POU3F3: variants seen among roughly 807,000 people sequenced by gnomAD.
POU3F3 encodes the protein POU domain, class 3, transcription factor 3.
In POU3F3, 1 loss-of-function variant was observed where a neutral mutation model predicts 8.6. The observed-to-expected ratio is 0.12, with a 90% CI of 0.04 to 0.55. POU3F3 has a LOEUF of 0.55. Among genes scored for constraint, POU3F3 ranks in the 20% least tolerant of loss-of-function variants. POU3F3 has a pLI of 0.91. For missense variants in POU3F3, 577 were observed against 690.7 expected, an observed-to-expected ratio of 0.84 and a Z score of 1.84; for synonymous variants, 418 against 327.4, an observed-to-expected ratio of 1.28 and a Z score of -2.99.
the POU3F3 span, chr2:104,872,103 C>A: frequency 1.2e-5 from 5 of 400,256 alleles, no homozygotes; most frequent in Non-Finnish European, 2.5e-5. This position sits in a 1 kb window ranked among gnomAD's most constrained non-coding sequence, Gnocchi z 4.6. Flanking sequence ...CTTCCTTGCT[C>A]GGGAAACTTG....
chr2:104,911,414 C>CAAAAA, the POU3F3 span, among the ~76,000 whole-genome samples: 1 of 60,972 alleles, frequency 1.6e-5, no homozygotes, highest in Non-Finnish European at 3.5e-5. Context: ...GACTCCGTCT[C>CAAAAA]AAAAAAAAAA....
chr2:104,897,504 C>A, the POU3F3 span, among the ~76,000 whole-genome samples: 1 of 152,178 alleles, frequency 6.6e-6, no homozygotes, highest in Non-Finnish European at 1.5e-5. Flanking sequence ...CCCCTACAGC[C>A]CACTCAGCCA....
At chr2:104,891,899 C>T in the POU3F3 span, among the ~76,000 whole-genome samples, 1 of 152,138 alleles carries the variant, frequency 6.6e-6, no homozygotes, top group African/African-American at 2.4e-5. Context: ...TGAGTTTTTG[C>T]TTTTTGGTTG....
In POU3F3 at chr2:104,856,677, A is replaced by G; in HGVS notation, c.1167A>G (p.Ser389=). 5 of 1,614,106 alleles carry G rather than the reference A, an allele frequency of 3.1e-6. No homozygotes were observed. Among genetic ancestry groups the G allele is most frequent in the South Asian group, 1.1e-5 (1 of 91,074 alleles). The part of the protein sequence containing the change: ...LLNKWLEEAD[S]STGSPTSIDK... Reference sequence around the variant, plus strand: ...ACAAGTGGCTGGAGGAGGCGGACTCAAGCACCGGCAGCCCCACAAGCATCG... The same window carrying G: ...ACAAGTGGCTGGAGGAGGCGGACTCGAGCACCGGCAGCCCCACAAGCATCG... The change falls in exon 1 of 1, where the codon TCA becomes TCG. Residue 389 remains serine, a synonymous_variant. Transcript: ENST00000361360.
chr2:104,864,587 C>T, the POU3F3 span, among the ~76,000 whole-genome samples: 4 of 152,006 alleles, frequency 2.6e-5, no homozygotes, highest in South Asian at 4.1e-4. Flanking sequence ...CATTTATTTA[C>T]AAATACAAAT....
At chr2:104,883,762 G>T in the POU3F3 span, among the ~76,000 whole-genome samples, 1 of 152,172 alleles carries the variant, frequency 6.6e-6, no homozygotes, top group Non-Finnish European at 1.5e-5. Context: ...ATATCATTAT[G>T]GTTCTGAATG....
At chr2:104,890,899 C>T in the POU3F3 span, among the ~76,000 whole-genome samples, 193 of 152,276 alleles carry the variant, frequency 1.3e-3, no homozygotes, top group Admixed American at 3.1e-3. Flanking sequence ...GGGATGACTA[C>T]GGGAACCCTA....
chr2:104,925,508 G>GA, the POU3F3 span, among the ~76,000 whole-genome samples: 3 of 152,128 alleles, frequency 2.0e-5, no homozygotes, highest in African/African-American at 7.2e-5. Flanking sequence ...TGGGGAGGAG[G>GA]CCACTGGACC....
At chr2:104,913,067 C>A in the POU3F3 span, among the ~76,000 whole-genome samples, 2 of 152,102 alleles carry the variant, frequency 1.3e-5, no homozygotes, top group Non-Finnish European at 2.9e-5. Flanking sequence ...TGAATGGCCA[C>A]GGGATTGCAA....
At chr2:104,896,254 T>A in the POU3F3 span, among the ~76,000 whole-genome samples, 1 of 152,040 alleles carries the variant, frequency 6.6e-6, no homozygotes, top group Non-Finnish European at 1.5e-5. Flanking sequence ...TGGGTAGGGG[T>A]CCCTGCATGG....
rs922536701 is a variant in POU3F3 at position 104,854,127 on chromosome 2, C to A, written c.-1384C>A. ...GCGGAGGGTAAACATTCGACAGTCCCCGCTCTGAGAGGGAGGGACAGAGAG... is the reference window on the plus strand; with the variant it reads ...GCGGAGGGTAAACATTCGACAGTCCACGCTCTGAGAGGGAGGGACAGAGAG... On this transcript the variant is annotated 5_prime_UTR_variant, in exon 1 of 1. Transcript: ENST00000361360. This position sits in a 1 kb window ranked among gnomAD's most constrained non-coding sequence, Gnocchi z 4.5. 5.3e-5 allele frequency among the ~76,000 whole-genome samples: 8 copies of A among 152,072 alleles called. No individual in the cohort carries two copies. The highest frequency in any genetic ancestry group is 1.9e-4 in the African/African-American group (8 of 41,400).
chr2:104,903,207 C>A, the POU3F3 span, among the ~76,000 whole-genome samples: 1 of 152,146 alleles, frequency 6.6e-6, no homozygotes, highest in Non-Finnish European at 1.5e-5. Context: ...GAGGACTAAA[C>A]AATATAGTGT....
At chr2:104,874,724 C>A in the POU3F3 span, among the ~76,000 whole-genome samples, 1 of 152,202 alleles carries the variant, frequency 6.6e-6, no homozygotes, top group Non-Finnish European at 1.5e-5. Flanking sequence ...TATCTGTCTT[C>A]CTGTGTTTAT....
At position 104,854,905 on chromosome 2, in the gene POU3F3, C is replaced by T. The variant is rs958677320; in HGVS notation, c.-606C>T. ...AGGAGCGGGCCGGTTGCTGGTCATC[C>T]GTAATTTGGCTAAGGAAGAAAGGAG... On this transcript the variant is annotated 5_prime_UTR_variant, in exon 1 of 1. Coordinates refer to ENST00000361360, the MANE Select transcript of POU3F3 (RefSeq NM_006236.3). The surrounding 1 kb of genome is among the most constrained non-coding windows in gnomAD (Gnocchi z 4.5). 1.3e-5 allele frequency among the ~76,000 whole-genome samples: 2 copies of T among 152,182 alleles called. No individual in the cohort carries two copies. The highest frequency in any genetic ancestry group is 2.9e-5 in the Non-Finnish European group (2 of 68,018).
At chr2:104,914,675 G>A in the POU3F3 span, among the ~76,000 whole-genome samples, 1 of 152,184 alleles carries the variant, frequency 6.6e-6, no homozygotes, top group Non-Finnish European at 1.5e-5. Flanking sequence ...CTCAGAACCA[G>A]ACGGCTTAGG....
the POU3F3 span, among the ~76,000 whole-genome samples, chr2:104,914,102 A>T: frequency 6.6e-6 from 1 of 152,212 alleles, no homozygotes; most frequent in African/African-American, 2.4e-5. Context: ...CTATTTAGTA[A>T]GAAAGCAATA....
the POU3F3 span, among the ~76,000 whole-genome samples, chr2:104,905,705 G>A: frequency 6.6e-6 from 1 of 152,186 alleles, no homozygotes; most frequent in African/African-American, 2.4e-5. Context: ...TTAGCTTATA[G>A]CTTCATTGCT....
chr2:104,904,136 A>G, the POU3F3 span, among the ~76,000 whole-genome samples: 1 of 152,214 alleles, frequency 6.6e-6, no homozygotes, highest in African/African-American at 2.4e-5. Context: ...GAAGAAGAAC[A>G]AGTTGCCAGC....
chr2:104,916,343 T>C, the POU3F3 span, among the ~76,000 whole-genome samples: 1 of 152,218 alleles, frequency 6.6e-6, no homozygotes, highest in Non-Finnish European at 1.5e-5. Flanking sequence ...TTGTCATTTC[T>C]TGCTGGGTAA....
Sources: gnomAD v4.1 joint callset for allele counts (sites outside exome capture counted in the v4.1 genomes callset) on GRCh38, gnomAD v4.1.1 for gene constraint, Gnocchi (gnomAD v3.1) non-coding constraint, MANE v1.5 for transcripts, NCBI Gene and HGNC (gene_info 2026-07-23, HGNC 2026-07-21) for gene names.